Variants in ESRRG observed in about 807,000 individuals in gnomAD.
ESRRG encodes estrogen related receptor gamma, also known as estrogen-related receptor gamma.
A neutral mutation model predicts 44.0 loss-of-function variants in ESRRG; 13 were observed. The observed-to-expected ratio is 0.30, with a 90% confidence interval of 0.19 to 0.47. The LOEUF (loss-of-function observed/expected upper bound fraction) is 0.47, where lower values mean the gene tolerates loss of function less well. Among genes scored for constraint, ESRRG ranks in the 20% least tolerant of loss-of-function variants. ESRRG has a pLI of 1.00. For missense variants in ESRRG, 395 were observed against 580.6 expected (o/e 0.68, Z 3.29); for synonymous variants, 215 against 214.6 (o/e 1.00, Z -0.02).
chr1:216,854,746 A>G (rs2149026762), intron 2 of ESRRG, among the ~76,000 whole-genome samples: 1 of 152,248 alleles, frequency 6.6e-6, no homozygotes. Flanking sequence ...TCTGTTAAGC[A>G]TTGTTTACTA....
chr1:216,551,623 C>T (rs2056364149), intron 5 of ESRRG, among the ~76,000 whole-genome samples: 2 of 152,030 alleles, frequency 1.3e-5, no homozygotes, highest in South Asian at 2.1e-4. Context: ...GACAACCGAT[C>T]GGGTTAATTA....
intron 1 of ESRRG, among the ~76,000 whole-genome samples, chr1:217,024,418 C>T (rs546379823): frequency 1.2e-3 from 181 of 151,842 alleles, no homozygotes; most frequent in African/African-American, 4.0e-3. Context: ...GGTAGTTTGT[C>T]ATGGCTGCTT....
At chr1:216,694,801 C>A (rs954536376) in intron 1 of ESRRG, among the ~76,000 whole-genome samples, 1 of 152,120 alleles carries the variant, frequency 6.6e-6, no homozygotes, top group Non-Finnish European at 1.5e-5. Context: ...AAGTAATCCA[C>A]CCACCTCGGT....
chr1:217,038,018 G>A (rs574508446), intron 1 of ESRRG, among the ~76,000 whole-genome samples: 1 of 152,192 alleles, frequency 6.6e-6, no homozygotes, highest in Non-Finnish European at 1.5e-5. Flanking sequence ...CTATGGCTTT[G>A]CAGGGTACAG....
chr1:216,682,314 G>T (rs2077164397), intron 1 of ESRRG, among the ~76,000 whole-genome samples: 1 of 152,078 alleles, frequency 6.6e-6, no homozygotes, highest in East Asian at 1.9e-4. Flanking sequence ...AAACGCTTTG[G>T]TAGGCTAAAT....
rs1250834210 is a variant in ESRRG, at chr1:216,877,396, TG to T, written c.-14+62185del. ...GGTATGGTGTTTTTTTTTGTTTGTTTGTTTGTTTGTTTGTTTGTTTGTTTTG... is the reference window on the plus strand; with the variant it reads ...GGTATGGTGTTTTTTTTTGTTTGTTTTTTGTTTGTTTGTTTGTTTGTTTTG... On this transcript the variant is annotated intron_variant, in intron 2 of 7. Coordinates refer to the ESRRG transcript ENST00000359162. Among the ~76,000 whole-genome samples, 10 of 150,496 alleles carry T rather than the reference TG, an allele frequency of 6.6e-5. 1 individual carries two copies. Among genetic ancestry groups the T allele is most frequent in the East Asian group, 2.0e-4 (1 of 5,090 alleles).
intron 1 of ESRRG, among the ~76,000 whole-genome samples, chr1:217,045,850 T>C (rs569989788): frequency 6.6e-6 from 1 of 152,352 alleles, no homozygotes; most frequent in South Asian, 2.1e-4. Context: ...GCTGCTATGT[T>C]TCTTTTGAAA....
intron 2 of ESRRG, among the ~76,000 whole-genome samples, chr1:216,731,483 T>G (rs965562176): frequency 2.0e-5 from 3 of 152,208 alleles, no homozygotes; most frequent in African/African-American, 7.2e-5. Flanking sequence ...TGCTTGATGA[T>G]TTCATTGCAA....
At chr1:216,776,249 C>T (rs1174639526) in intron 2 of ESRRG, among the ~76,000 whole-genome samples, 1 of 152,080 alleles carries the variant, frequency 6.6e-6, no homozygotes, top group African/African-American at 2.4e-5. Flanking sequence ...TAATCTGTGG[C>T]TTGCAGTTCT....
intron 1 of ESRRG, among the ~76,000 whole-genome samples, chr1:217,122,935 G>T (rs560059920): frequency 6.6e-6 from 1 of 151,738 alleles, no homozygotes; most frequent in East Asian, 1.9e-4. Context: ...CAGGTTATCC[G>T]CCTGCCTCGG....
chr1:216,870,726 A>G (rs1312379428), intron 2 of ESRRG, among the ~76,000 whole-genome samples: 1 of 151,942 alleles, frequency 6.6e-6, no homozygotes, highest in Non-Finnish European at 1.5e-5. Flanking sequence ...GTACTTCATG[A>G]TTTTCAAAAA....
upstream of ESRRG, among the ~76,000 whole-genome samples, chr1:217,094,311 T>A (rs1015642162): frequency 1.3e-5 from 2 of 152,242 alleles, no homozygotes; most frequent in African/African-American, 4.8e-5. Flanking sequence ...TAGACCTAAT[T>A]TGATATGAAT....
intron 3 of ESRRG, among the ~76,000 whole-genome samples, chr1:216,572,483 T>C (rs192179427): frequency 1.1e-4 from 17 of 152,226 alleles, no homozygotes; most frequent in Non-Finnish European, 1.6e-4. Context: ...TTATTTTAAA[T>C]GGTCAGATAA....
chr1:216,687,966 G>A (rs933177333), intron 1 of ESRRG, among the ~76,000 whole-genome samples: 41 of 151,962 alleles, frequency 2.7e-4, no homozygotes, highest in Non-Finnish European at 5.4e-4. Flanking sequence ...GTAATTAGGT[G>A]TCTCAAATAG....
chr1:216,624,119 T>C (rs1401540130), intron 3 of ESRRG, among the ~76,000 whole-genome samples: 5 of 151,928 alleles, frequency 3.3e-5, no homozygotes, highest in Non-Finnish European at 7.4e-5. Flanking sequence ...CCATGAGCAA[T>C]CAACAAAGGC....
At chr1:216,929,361 G>A (rs1459345441) in intron 2 of ESRRG, among the ~76,000 whole-genome samples, 3 of 152,044 alleles carry the variant, frequency 2.0e-5, no homozygotes, top group Non-Finnish European at 4.4e-5. Flanking sequence ...TGACTCAATA[G>A]AATTCACAAC....
intron 2 of ESRRG, among the ~76,000 whole-genome samples, chr1:216,788,252 T>C (rs2094198178): frequency 6.6e-6 from 1 of 152,130 alleles, no homozygotes; most frequent in Admixed American, 6.6e-5. Flanking sequence ...GAGAAGTCAA[T>C]TCCTGACTTC....
At chr1:217,053,138 A>C (rs1393594693) in intron 1 of ESRRG, among the ~76,000 whole-genome samples, 1 of 120,216 alleles carries the variant, frequency 8.3e-6, no homozygotes, top group Non-Finnish European at 2.0e-5. Flanking sequence ...CATCTTAAAA[A>C]AAAAAAAAAA....
At chr1:216,715,172 A>C (rs763701174) in intron 1 of ESRRG, 83 of 985,178 alleles carry the variant, frequency 8.4e-5, no homozygotes, top group Non-Finnish European at 9.8e-5. Flanking sequence ...TGTGTAGTTC[A>C]GTACAATTCA....
Sources: allele counts gnomAD v4.1 joint callset (sites outside exome capture counted in the v4.1 genomes callset), GRCh38; gene constraint gnomAD v4.1.1; transcripts MANE v1.5; gene names NCBI Gene and HGNC (gene_info 2026-07-23, HGNC 2026-07-21).